HEPACAM2: variants seen among roughly 807,000 people sequenced by gnomAD.
The protein encoded by HEPACAM2 is HEPACAM family member 2.
A neutral mutation model predicts 49.6 loss-of-function variants in HEPACAM2; 49 were observed. That is an observed-to-expected ratio of 0.99 (90% CI 0.78 to 1.25). The LOEUF is 1.25. Ranked by LOEUF, HEPACAM2 falls within the 50% of genes most tolerant of loss-of-function variation. HEPACAM2 has a pLI of 0.00. For missense variants in HEPACAM2, 525 were observed against 557.2 expected, an observed-to-expected ratio of 0.94 and a Z score of 0.58; for synonymous variants, 197 against 202.9, an observed-to-expected ratio of 0.97 and a Z score of 0.25.
At chr7:93,224,927 T>C (rs1794512727) in intron 1 of HEPACAM2, among the ~76,000 whole-genome samples, 1 of 152,192 alleles carries the variant, frequency 6.6e-6, no homozygotes, top group Admixed American at 6.5e-5. Context: ...AACTTCAATA[T>C]TCCTAAAAGC....
intron 3 of HEPACAM2, among the ~76,000 whole-genome samples, chr7:93,211,952 G>C (rs1794188500): frequency 6.6e-6 from 1 of 152,028 alleles, no homozygotes; most frequent in Non-Finnish European, 1.5e-5. Context: ...AAACTGTCTA[G>C]TAATTTAATA....
intron 2 of HEPACAM2, among the ~76,000 whole-genome samples, chr7:93,216,766 CAGAG>C (rs780755740): frequency 2.6e-5 from 4 of 152,144 alleles, no homozygotes; most frequent in Non-Finnish European, 1.5e-5. Flanking sequence ...CTACATGACA[CAGAG>C]AGAATAGGAT....
Position 93,192,251 on chromosome 7 carries a change from T to TA in HEPACAM2, c.1385+2dup, listed in dbSNP as rs752962954. The TA allele has an allele frequency of 1.2e-6, 2 of 1,605,674 alleles. No individual in the cohort carries two copies. The highest frequency in any genetic ancestry group is 2.2e-5 in the South Asian group (2 of 90,806). On this transcript the variant is annotated splice_region_variant and intron_variant, in intron 9 of 9. Transcript: ENST00000394468. ...GCACCATCAAATGCAGATTCGTACT[T>TA]ACTCTGGATGGTCTTGCTGCTGGGC... is the stretch of plus-strand genomic sequence containing the variant.
At chr7:93,221,911 C>T (rs1388494132) in intron 1 of HEPACAM2, among the ~76,000 whole-genome samples, 2 of 152,060 alleles carry the variant, frequency 1.3e-5, no homozygotes, top group Middle Eastern at 6.8e-3. Flanking sequence ...TTCTTTTCTG[C>T]CAAGTGTAAG....
Position 93,208,795 on chromosome 7 carries a change from A to G in HEPACAM2, c.797T>C (p.Ile266Thr), listed in dbSNP as rs1794100719. ...AGAATCAGCAGAACAATCAAATAGG[A>G]TGGCCTCTCCAAGGTCAACAGTAAA... The part of the protein sequence containing the change: ...EVFTVDLGEA[I>T]LFDCSADSHP... Residue 266 changes from isoleucine to threonine, a missense_variant, in exon 4 of 10, where the codon ATC becomes ACC. By Grantham distance (89) the Ile-to-Thr change is moderately conservative. Transcript: ENST00000394468. 2 of 1,612,898 alleles carry G rather than the reference A, an allele frequency of 1.2e-6. No homozygotes were observed. Among genetic ancestry groups the G allele is most frequent in the Non-Finnish European group, 1.7e-6 (2 of 1,179,364 alleles).
intron 1 of HEPACAM2, chr7:93,225,925 G>A (rs1367787477): frequency 8.4e-6 from 12 of 1,431,828 alleles, no homozygotes; most frequent in South Asian, 2.7e-5. Flanking sequence ...AACTTAAAAC[G>A]AAGCAGTAAA....
intron 4 of HEPACAM2, among the ~76,000 whole-genome samples, chr7:93,202,169 A>G (rs1384195127): frequency 6.6e-6 from 1 of 150,712 alleles, no homozygotes; most frequent in Non-Finnish European, 1.5e-5. Flanking sequence ...CACCACTTTT[A>G]GCAAGTGAAT....
intron 2 of HEPACAM2, among the ~76,000 whole-genome samples, chr7:93,217,717 A>G (rs953004898): frequency 6.6e-6 from 1 of 152,152 alleles, no homozygotes; most frequent in Admixed American, 6.5e-5. Flanking sequence ...CCCTGCTCCT[A>G]GGGACCTCAT....
chr7:93,203,799 G>A (rs913852643), intron 4 of HEPACAM2, among the ~76,000 whole-genome samples: 2 of 152,084 alleles, frequency 1.3e-5, no homozygotes, highest in African/African-American at 4.8e-5. Flanking sequence ...GAAGTCTTGA[G>A]ATCTCTCTCA....
At chr7:93,195,297 G>A (rs1021993903) in intron 8 of HEPACAM2, among the ~76,000 whole-genome samples, 1 of 151,992 alleles carries the variant, frequency 6.6e-6, no homozygotes, top group African/African-American at 2.4e-5. Flanking sequence ...GTGTGATCAC[G>A]GCTCACTGTA....
chr7:93,223,041 A>G (rs1230919227), intron 1 of HEPACAM2, among the ~76,000 whole-genome samples: 2 of 152,308 alleles, frequency 1.3e-5, no homozygotes, highest in South Asian at 2.1e-4. Flanking sequence ...ATGGCTGCTA[A>G]TAGGGAGCAG....
At chr7:93,218,212 G>C (rs1197786849) in intron 2 of HEPACAM2, among the ~76,000 whole-genome samples, 6 of 152,038 alleles carry the variant, frequency 3.9e-5, no homozygotes, top group African/African-American at 1.4e-4. Flanking sequence ...TTAATAATTT[G>C]ACTTTTACTC....
intron 4 of HEPACAM2, among the ~76,000 whole-genome samples, chr7:93,200,711 T>C (rs1793859922): frequency 6.6e-6 from 1 of 152,146 alleles, no homozygotes; most frequent in African/African-American, 2.4e-5. Context: ...ACAAATCTGG[T>C]AGTCTTGCGG....
At chr7:93,198,949 G>A (rs1418488015) in intron 4 of HEPACAM2, among the ~76,000 whole-genome samples, 1 of 152,036 alleles carries the variant, frequency 6.6e-6, no homozygotes, top group Non-Finnish European at 1.5e-5. Context: ...TAATCTTACA[G>A]GAATCTTTTA....
intron 8 of HEPACAM2, among the ~76,000 whole-genome samples, chr7:93,193,772 A>C (rs1328532623): frequency 6.6e-6 from 1 of 152,098 alleles, no homozygotes; most frequent in East Asian, 1.9e-4. Flanking sequence ...AAAGTTAATA[A>C]TTTAATTTAT....
intron 1 of HEPACAM2, among the ~76,000 whole-genome samples, chr7:93,224,104 G>A (rs1227650502): frequency 6.6e-6 from 1 of 152,010 alleles, no homozygotes; most frequent in East Asian, 1.9e-4. Flanking sequence ...ATCATCCTCT[G>A]CATGAACAGA....
At chr7:93,196,001 G>C (rs1388977809) in intron 7 of HEPACAM2, 100 bp from the exon 8 acceptor site, 1 of 789,058 alleles carries the variant, frequency 1.3e-6, no homozygotes, top group African/African-American at 1.7e-5. Flanking sequence ...GTTTTAAATG[G>C]TATAGGTACA....
At chr7:93,229,874 CAGAT>C (rs1168943983), upstream of HEPACAM2, among the ~76,000 whole-genome samples, 1 of 152,056 alleles carries the variant, frequency 6.6e-6, no homozygotes, top group Non-Finnish European at 1.5e-5. Context: ...TGAGCGTAGA[CAGAT>C]AGAAATGAAT....
At position 93,192,326 on chromosome 7, in the gene HEPACAM2, G is replaced by A. The variant is rs543094040; in HGVS notation, c.1313C>T (p.Ser438Leu). Residue 438 changes from serine to leucine, a missense_variant, in exon 9 of 10, where the codon TCG becomes TTG. Physicochemically the swap from Ser to Leu is moderately radical, Grantham distance 145. Transcript: ENST00000394468. ...SRSVPASDCVSGQDLHSTVYE... is the reference protein window; with the variant it reads ...SRSVPASDCVLGQDLHSTVYE... ...CACTGTACTGTGCAAATCTTGCCCC[G>A]ATACACAATCAGAGGCTGGAACAGA... 3.2e-5 allele frequency: 51 copies of A among 1,612,632 alleles called. No individual in the cohort carries two copies. Among genetic ancestry groups the A allele is most frequent in the South Asian group, 1.9e-4 (17 of 91,026 alleles).
Sources: allele counts gnomAD v4.1 joint callset (sites outside exome capture counted in the v4.1 genomes callset), GRCh38; gene constraint gnomAD v4.1.1; transcripts MANE v1.5; gene names NCBI Gene and HGNC (gene_info 2026-07-23, HGNC 2026-07-21).